The following SLC35F1 variants were observed in gnomAD, a reference collection of about 807,000 sequenced individuals.
SLC35F1 encodes chromosome 6 open reading frame 169.
Under a neutral mutation model 48.7 loss-of-function variants are expected in SLC35F1, and 14 were observed. That is an observed-to-expected ratio of 0.29 (90% CI 0.19 to 0.45). The LOEUF (loss-of-function observed/expected upper bound fraction) is 0.45. SLC35F1 is among the 20% of genes least tolerant of loss of function. SLC35F1 has a pLI of 1.00. For missense variants in SLC35F1, 404 were observed against 500.0 expected, an observed-to-expected ratio of 0.81 and a Z score of 1.83; for synonymous variants, 190 against 202.2, an observed-to-expected ratio of 0.94 and a Z score of 0.51.
intron 2 of SLC35F1, among the ~76,000 whole-genome samples, chr6:118,157,483 G>A (rs915940500): frequency 1.3e-5 from 2 of 152,096 alleles, no homozygotes; most frequent in African/African-American, 4.8e-5. Context: ...ATCACAAGGT[G>A]AAGTCCCACA....
chr6:117,983,379 C>T (rs560219066), intron 1 of SLC35F1, among the ~76,000 whole-genome samples: 1 of 152,014 alleles, frequency 6.6e-6, no homozygotes, highest in Admixed American at 6.6e-5. Flanking sequence ...GTTCGAGACC[C>T]GCCTGGCCAA....
intron 2 of SLC35F1, among the ~76,000 whole-genome samples, chr6:118,183,522 G>T (rs575517399): frequency 1.3e-5 from 2 of 151,224 alleles, no homozygotes; most frequent in East Asian, 1.9e-4. Flanking sequence ...TAAAAAAAAA[G>T]AAATTGTTTC....
intron 2 of SLC35F1, among the ~76,000 whole-genome samples, chr6:118,205,621 T>C (rs1434719287): frequency 6.6e-6 from 1 of 152,228 alleles, no homozygotes; most frequent in Non-Finnish European, 1.5e-5. Flanking sequence ...AACTACCATA[T>C]GAGCCAACCA....
rs552286922 is a variant in SLC35F1 at position 117,931,784 on chromosome 6, A to G, written c.173+23885A>G. On this transcript the variant is annotated intron_variant, in intron 1 of 7. Coordinates refer to ENST00000360388, the MANE Select transcript of SLC35F1 (RefSeq NM_001029858.4). The stretch of plus-strand genomic sequence containing the variant: ...TTGCTGCATACAGTGCAGACTCCTG[A>G]AGGAACTACTGCAGCCAGTTGCTGC... Among the ~76,000 whole-genome samples, 4 of 152,314 alleles carry G rather than the reference A, an allele frequency of 2.6e-5. No homozygotes were observed. In the South Asian group the frequency reaches 8.3e-4, roughly 32 times the overall value.
At chr6:118,116,846 A>C (rs1773482427) in intron 1 of SLC35F1, among the ~76,000 whole-genome samples, 5 of 152,172 alleles carry the variant, frequency 3.3e-5, no homozygotes, top group Admixed American at 3.3e-4. Flanking sequence ...TTAATCAAAT[A>C]ATAGAAGCTC....
At chr6:118,079,333 ATAGCATG>A (rs1772871372) in intron 1 of SLC35F1, among the ~76,000 whole-genome samples, 1 of 152,176 alleles carries the variant, frequency 6.6e-6, no homozygotes, top group Admixed American at 6.5e-5. Flanking sequence ...ACTCATCTGT[ATAGCATG>A]TATCAATTTC....
At chr6:118,133,903 C>T (rs1281315849) in intron 1 of SLC35F1, among the ~76,000 whole-genome samples, 1 of 152,160 alleles carries the variant, frequency 6.6e-6, no homozygotes. Flanking sequence ...TGCTCTGCTT[C>T]CTAGAAGCGT....
At chr6:118,135,507 C>G (rs17334702) in intron 1 of SLC35F1, among the ~76,000 whole-genome samples, 1 of 152,124 alleles carries the variant, frequency 6.6e-6, no homozygotes, top group Non-Finnish European at 1.5e-5. Context: ...TGCCGGGTAC[C>G]AGCCATCTGT....
intron 2 of SLC35F1, among the ~76,000 whole-genome samples, chr6:118,195,718 T>C (rs1774791948): frequency 6.6e-6 from 1 of 152,172 alleles, no homozygotes; most frequent in South Asian, 2.1e-4. Flanking sequence ...TAGTCCAGTT[T>C]CTGTTGTGAC....
chr6:118,181,477 G>A (rs1441216663), intron 2 of SLC35F1, among the ~76,000 whole-genome samples: 1 of 152,004 alleles, frequency 6.6e-6, no homozygotes, highest in Non-Finnish European at 1.5e-5. Flanking sequence ...TTAGAGGGAA[G>A]ACAATAAAAT....
chr6:118,225,722 A>G (rs1366747196), intron 2 of SLC35F1, among the ~76,000 whole-genome samples: 1 of 20,332 alleles, frequency 4.9e-5, no homozygotes, highest in Non-Finnish European at 1.2e-4. Flanking sequence ...AAATACAAAA[A>G]AAATTTAGCT....
At chr6:117,985,176 A>C (rs1032494533) in intron 1 of SLC35F1, among the ~76,000 whole-genome samples, 9 of 152,222 alleles carry the variant, frequency 5.9e-5, no homozygotes, top group African/African-American at 2.2e-4. Context: ...CCATTCCATT[A>C]ATACCTATTG....
chr6:118,201,951 T>C (rs1774878317), intron 2 of SLC35F1, among the ~76,000 whole-genome samples: 1 of 152,244 alleles, frequency 6.6e-6, no homozygotes, highest in Non-Finnish European at 1.5e-5. Context: ...ACTTCATTCC[T>C]TTTTATTGTA....
intron 1 of SLC35F1, among the ~76,000 whole-genome samples, chr6:117,939,903 A>G (rs1422763887): frequency 6.6e-6 from 1 of 152,172 alleles, no homozygotes; most frequent in East Asian, 1.9e-4. Flanking sequence ...ACTTTTCCTC[A>G]GGTCCTATAG....
intron 2 of SLC35F1, among the ~76,000 whole-genome samples, chr6:118,191,080 A>G (rs987153240): frequency 1.3e-5 from 2 of 152,166 alleles, no homozygotes; most frequent in African/African-American, 4.8e-5. Flanking sequence ...AAAAGGACCT[A>G]AAACACGATG....
At position 117,964,981 on chromosome 6, in the gene SLC35F1, C is replaced by T. The variant is rs75003633; in HGVS notation, c.173+57082C>T. ...GGGAGGGATACGGAAGAGGAGTTGG[C>T]CAACAGGAAGGAGACGGTCACTTAG... On this transcript the variant is annotated intron_variant, in intron 1 of 7. Transcript: ENST00000360388. 1.5e-4 allele frequency among the ~76,000 whole-genome samples: 23 copies of T among 152,174 alleles called. No homozygotes were observed. The East Asian group carries it at 3.9e-3, about 26-fold the overall frequency.
At chr6:118,083,306 A>G (rs1039996296) in intron 1 of SLC35F1, among the ~76,000 whole-genome samples, 1 of 152,234 alleles carries the variant, frequency 6.6e-6, no homozygotes, top group Non-Finnish European at 1.5e-5. Context: ...AAGGCATTTT[A>G]TAAACTTTTC....
intron 2 of SLC35F1, among the ~76,000 whole-genome samples, chr6:118,181,450 C>G (rs530604177): frequency 2.0e-5 from 3 of 151,766 alleles, no homozygotes; most frequent in Admixed American, 6.6e-5. Flanking sequence ...GAAATAGAAC[C>G]CCTAATTTAA....
intron 1 of SLC35F1, among the ~76,000 whole-genome samples, chr6:117,928,137 G>T (rs1349508119): frequency 1.3e-5 from 2 of 152,156 alleles, no homozygotes; most frequent in Non-Finnish European, 2.9e-5. Flanking sequence ...AGGGAATTGT[G>T]GGAAAGTATA....
Sources: gnomAD v4.1 joint callset for allele counts (sites outside exome capture counted in the v4.1 genomes callset) on GRCh38, gnomAD v4.1.1 for gene constraint, MANE v1.5 for transcripts, NCBI Gene and HGNC (gene_info 2026-07-23, HGNC 2026-07-21) for gene names.